The following TMCC1 variants were observed in gnomAD, a reference collection of about 807,000 sequenced individuals.
TMCC1 encodes transmembrane and coiled-coil domain family 1.
Under a neutral mutation model 52.4 loss-of-function variants are expected in TMCC1, and 15 were observed. That is an observed-to-expected ratio of 0.29 (90% CI 0.19 to 0.44). The LOEUF is 0.44. Ranked by LOEUF, TMCC1 falls within the 20% of genes least tolerant of loss-of-function variation. The pLI is 1.00. For missense variants in TMCC1, 503 were observed against 806.0 expected (o/e 0.62, Z 4.55); for synonymous variants, 279 against 301.9 (o/e 0.92, Z 0.79).
At chr3:129,837,543 C>T (rs898475703) in intron 2 of TMCC1, among the ~76,000 whole-genome samples, 1 of 152,190 alleles carries the variant, frequency 6.6e-6, no homozygotes, top group Non-Finnish European at 1.5e-5. Flanking sequence ...TTGCAGGAAA[C>T]TAGCAGTCTT....
chr3:129,891,598 T>C (rs950101487), intron 1 of TMCC1, among the ~76,000 whole-genome samples: 10 of 152,262 alleles, frequency 6.6e-5, no homozygotes, highest in African/African-American at 2.4e-4. Context: ...CACTGATTTA[T>C]ATCATTATCT....
chr3:129,748,024 A>G (rs906482683), intron 4 of TMCC1, among the ~76,000 whole-genome samples: 66 of 152,360 alleles, frequency 4.3e-4, no homozygotes, highest in African/African-American at 1.6e-3. Flanking sequence ...AGACTTAGAA[A>G]TATATTATTT....
intron 4 of TMCC1, among the ~76,000 whole-genome samples, chr3:129,755,919 GA>G (rs1482670586): frequency 2.6e-5 from 4 of 152,248 alleles, no homozygotes; most frequent in Non-Finnish European, 5.9e-5. Flanking sequence ...CTGGCATGGT[GA>G]AACCCTGTCT....
At chr3:129,842,708 T>A (rs1051844230) in intron 2 of TMCC1, among the ~76,000 whole-genome samples, 1 of 152,104 alleles carries the variant, frequency 6.6e-6, no homozygotes, top group Admixed American at 6.5e-5. Context: ...TCTCAGACCA[T>A]AATAGAATAA....
intron 4 of TMCC1, among the ~76,000 whole-genome samples, chr3:129,689,471 T>C (rs920393434): frequency 1.3e-5 from 2 of 152,208 alleles, no homozygotes; most frequent in African/African-American, 2.4e-5. Context: ...TATCTACTAA[T>C]ATTTCTCTGA....
chr3:129,775,143 T>C (rs1196863771), intron 4 of TMCC1, among the ~76,000 whole-genome samples: 1 of 152,048 alleles, frequency 6.6e-6, no homozygotes, highest in East Asian at 1.9e-4. Context: ...GGTGGGGGTG[T>C]ATGCAGATAA....
At chr3:129,688,187 T>C (rs1392546913) in intron 4 of TMCC1, 3 of 985,292 alleles carry the variant, frequency 3.0e-6, no homozygotes, top group East Asian at 1.1e-4. Flanking sequence ...CAAAACCCCC[T>C]GTCAGGCAGT....
chr3:129,735,423 T>A (rs940048737), intron 4 of TMCC1, among the ~76,000 whole-genome samples: 2 of 152,014 alleles, frequency 1.3e-5, no homozygotes, highest in Non-Finnish European at 2.9e-5. Flanking sequence ...GCAGGAGGAT[T>A]GCTTGAGGCA....
chr3:129,854,683 C>T (rs2060073253), intron 2 of TMCC1, among the ~76,000 whole-genome samples: 2 of 152,138 alleles, frequency 1.3e-5, no homozygotes, highest in Non-Finnish European at 2.9e-5. Flanking sequence ...AACCATCTCC[C>T]ATCTATCCTT....
chr3:129,860,494 C>T (rs911363704), intron 2 of TMCC1, among the ~76,000 whole-genome samples: 1 of 152,130 alleles, frequency 6.6e-6, no homozygotes, highest in Non-Finnish European at 1.5e-5. Context: ...GCACCTGAGT[C>T]TACAGTGTAC....
intron 4 of TMCC1, among the ~76,000 whole-genome samples, chr3:129,714,333 A>G (rs1404380334): frequency 6.6e-6 from 1 of 152,202 alleles, no homozygotes; most frequent in Non-Finnish European, 1.5e-5. Flanking sequence ...GACTGCAGCA[A>G]TTTACACTAC....
intron 4 of TMCC1, among the ~76,000 whole-genome samples, chr3:129,674,996 C>G (rs191939817): frequency 6.6e-6 from 1 of 152,144 alleles, no homozygotes; most frequent in Non-Finnish European, 1.5e-5. Context: ...CGCCACCACA[C>G]CCAGCTATTT....
chr3:129,693,017 A>G (rs1282835855), intron 4 of TMCC1, among the ~76,000 whole-genome samples: 1 of 151,784 alleles, frequency 6.6e-6, no homozygotes, highest in Non-Finnish European at 1.5e-5. Context: ...TAATTTTTGT[A>G]TTTTTTTGTG....
chr3:129,679,210 C>T (rs2088744416), intron 4 of TMCC1, among the ~76,000 whole-genome samples: 1 of 152,240 alleles, frequency 6.6e-6, no homozygotes, highest in Non-Finnish European at 1.5e-5. Context: ...CTGGAGTGCT[C>T]TTCCCTCAGA....
At chr3:129,713,518 T>C (rs538942675) in intron 4 of TMCC1, among the ~76,000 whole-genome samples, 137 of 152,238 alleles carry the variant, frequency 9.0e-4, no homozygotes, top group African/African-American at 3.2e-3. Context: ...GTTGTCTTCC[T>C]CTGCTGCTCT....
chr3:129,755,928 T>C (rs940553175), intron 4 of TMCC1, among the ~76,000 whole-genome samples: 2 of 152,066 alleles, frequency 1.3e-5, no homozygotes, highest in African/African-American at 4.8e-5. Context: ...TGAAACCCTG[T>C]CTCTCCTAAA....
rs546550074 is a variant in TMCC1 at position 129,709,959 on chromosome 3, G to C, written c.577-38695C>G. Among the ~76,000 whole-genome samples, 8 of 152,206 alleles carry C rather than the reference G, an allele frequency of 5.3e-5. No homozygotes were observed. In the South Asian group the frequency reaches 1.7e-3, roughly 32 times the overall value. ...CCCAGCACTTTGGGGGGCTGAGGCA[G>C]GCAGATCACAAGGTCAGGAAATGGA... On this transcript the variant is annotated intron_variant, in intron 4 of 6. Coordinates refer to ENST00000393238, the MANE Select transcript of TMCC1 (RefSeq NM_001017395.5).
chr3:129,713,363 G>C (rs1032564910), intron 4 of TMCC1, among the ~76,000 whole-genome samples: 2 of 152,070 alleles, frequency 1.3e-5, no homozygotes, highest in African/African-American at 4.8e-5. Context: ...GAAAACAGAA[G>C]ATTAACAGGC....
At chr3:129,793,898 T>C (rs775741076) in intron 4 of TMCC1, among the ~76,000 whole-genome samples, 3 of 152,200 alleles carry the variant, frequency 2.0e-5, no homozygotes, top group Non-Finnish European at 4.4e-5. Context: ...ATTAAACTAT[T>C]TTGTGGTAGT....
Sources: gnomAD v4.1 joint callset for allele counts (sites outside exome capture counted in the v4.1 genomes callset) on GRCh38, gnomAD v4.1.1 for gene constraint, MANE v1.5 for transcripts, NCBI Gene and HGNC (gene_info 2026-07-23, HGNC 2026-07-21) for gene names.